The following OR10H5 variants were observed in gnomAD, a reference collection of about 807,000 sequenced individuals.
OR10H5 encodes olfactory receptor family 10 subfamily H member 5, also known as olfactory receptor 10H5.
OR10H5 carries 7 observed loss-of-function variants against 12.2 expected under a neutral mutation model. That is an observed-to-expected ratio of 0.57 (90% CI 0.33 to 1.07). OR10H5 has a LOEUF of 1.07. Among genes scored for constraint, OR10H5 ranks in the 50% least tolerant of loss-of-function variants. The pLI, the probability that OR10H5 is intolerant of heterozygous loss-of-function variation, is 0.04. For synonymous variants in OR10H5, 159 were observed against 175.1 expected (o/e 0.91, Z 0.73); for missense variants, 346 against 411.6 (o/e 0.84, Z 1.38).
rs2088859798 is a variant in OR10H5 at position 15,799,921 on chromosome 19, T to A, written c.*4925T>A. 6.6e-6 allele frequency: 1 copy of A among 151,956 alleles called. No individual in the cohort carries two copies. Among genetic ancestry groups the A allele is most frequent in the Non-Finnish European group, 1.5e-5 (1 of 67,994 alleles). The allele number at this position is 151,956 out of a possible 1,614,324, so 9.4% of individuals were successfully genotyped here. A position where few individuals can be genotyped will look rare whatever the true frequency, so the allele number is the denominator to read the frequency against. On this transcript the variant is annotated 3_prime_UTR_variant, in exon 2 of 2. Transcript: ENST00000642092. Reference sequence around the variant, plus strand: ...GTTTCGCCATGTTGCCCAGGATGGTTTCAAACTCCTGGCCTCAAGTGACCT... The same window carrying A: ...GTTTCGCCATGTTGCCCAGGATGGTATCAAACTCCTGGCCTCAAGTGACCT...
In OR10H5 at chr19:15,795,868, T is replaced by C. The variant is rs1385037959; in HGVS notation, c.*872T>C. On this transcript the variant is annotated 3_prime_UTR_variant, in exon 2 of 2. Coordinates refer to ENST00000642092, the MANE Select transcript of OR10H5 (RefSeq NM_001004466.2). ...CATGGCTAAGTGCAGCGTCAACTTC[T>C]GGGCTCAAGCAATTCTCCCACCTCA... The C allele has an allele frequency of 6.6e-6, 1 of 152,352 alleles. No homozygotes were observed. The highest frequency in any genetic ancestry group is 2.4e-5 in the African/African-American group (1 of 41,436). 9.4% of individuals were successfully genotyped at this position (152,352 alleles called of 1,614,324 possible).
At chr19:15,790,704 G>A (rs542740820) in intron 1 of OR10H5, among the ~76,000 whole-genome samples, 2 of 152,248 alleles carry the variant, frequency 1.3e-5, no homozygotes, top group Admixed American at 6.5e-5. Context: ...AGGCTATGCT[G>A]CAGTTGTTGG....
In OR10H5 at chr19:15,795,253, T is replaced by G; in HGVS notation, c.*257T>G. ...TTCTCTGCCTACTTCCCTCTTTCCC[T>G]TCTCTCTGTCTCTTTCTGTTTCTAT... On this transcript the variant is annotated 3_prime_UTR_variant, in exon 2 of 2. Transcript: ENST00000642092. The G allele has an allele frequency of 6.2e-6, 3 of 483,674 alleles. No homozygotes were observed. The highest frequency in any genetic ancestry group is 2.1e-5 in the African/African-American group (1 of 48,614). The allele number at this position is 483,674 out of a possible 1,614,324, so 30.0% of individuals were successfully genotyped here.
rs76070026 is a variant in OR10H5 at position 15,800,260 on chromosome 19, G to C, written c.*5264G>C. The C allele has an allele frequency of 6.6e-6, 1 of 152,026 alleles. No individual in the cohort carries two copies. Among genetic ancestry groups the C allele is most frequent in the African/African-American group, 2.4e-5 (1 of 41,362 alleles). 9.4% of individuals were successfully genotyped at this position (152,026 alleles called of 1,614,324 possible). ...TCTTTCTAGGGCAGACATTGAGATC[G>C]GGATGTCTTATCTAATTGGTTCAAC... On this transcript the variant is annotated 3_prime_UTR_variant, in exon 2 of 2. Transcript: ENST00000642092.
At position 15,791,084 on chromosome 19, in the gene OR10H5, G is replaced by A. The variant is rs565769190; in HGVS notation, c.-11-2954G>A. ...ATAGAGGCCAGGGATGGTGACTCAC[G>A]CCTGTAATCCCAACAATTCAGGTGG... On this transcript the variant is annotated intron_variant, in intron 1 of 1. Transcript: ENST00000642092. Among the ~76,000 whole-genome samples the A allele has an allele frequency of 1.5e-3, 232 of 152,210 alleles. 2 individuals are homozygous for A. Among genetic ancestry groups the A allele is most frequent in the African/African-American group, 2.4e-3 (98 of 41,548 alleles).
At position 15,795,541 on chromosome 19, in the gene OR10H5, G is replaced by A. The variant is rs1381922669; in HGVS notation, c.*545G>A. 6.4e-6 allele frequency: 1 copy of A among 155,482 alleles called. No homozygotes were observed. The highest frequency in any genetic ancestry group is 1.9e-4 in the East Asian group (1 of 5,204). The allele number at this position is 155,482 out of a possible 1,614,324, so 9.6% of individuals were successfully genotyped here. ...GGGTTTCACCATGTTGGCCAGGCTG[G>A]TCTCGAACTCCTGACCTCAGGCATT... On this transcript the variant is annotated 3_prime_UTR_variant, in exon 2 of 2. Coordinates refer to ENST00000642092, the MANE Select transcript of OR10H5 (RefSeq NM_001004466.2).
intron 1 of OR10H5, among the ~76,000 whole-genome samples, chr19:15,788,086 C>T (rs1201566377): frequency 6.6e-6 from 1 of 151,996 alleles, no homozygotes; most frequent in African/African-American, 2.4e-5. Flanking sequence ...AGTGTGTCAC[C>T]ATGCATGTGG....
Position 15,798,275 on chromosome 19 carries a change from A to C in OR10H5, c.*3279A>C, listed in dbSNP as rs1218956490. 6.6e-6 allele frequency: 1 copy of C among 151,652 alleles called. No homozygotes were observed. Among genetic ancestry groups the C allele is most frequent in the Non-Finnish European group, 1.5e-5 (1 of 67,930 alleles). 9.4% of individuals were successfully genotyped at this position (151,652 alleles called of 1,614,324 possible). On this transcript the variant is annotated 3_prime_UTR_variant, in exon 2 of 2. Transcript: ENST00000642092. ...GAACACAGCAGGTCTGGGGGTGTCAACTCTCCATGCCCCAGGTGTGGAAAC... is the reference window on the plus strand; with the variant it reads ...GAACACAGCAGGTCTGGGGGTGTCACCTCTCCATGCCCCAGGTGTGGAAAC...
At chr19:15,792,408 A>G (rs1027235873) in intron 1 of OR10H5, among the ~76,000 whole-genome samples, 3 of 152,148 alleles carry the variant, frequency 2.0e-5, no homozygotes, top group Admixed American at 1.3e-4. Context: ...AGCACTTGCT[A>G]CAAATTAAGA....
chr19:15,793,723 T>C (rs913388988), intron 1 of OR10H5, among the ~76,000 whole-genome samples: 3 of 151,806 alleles, frequency 2.0e-5, no homozygotes, highest in African/African-American at 7.3e-5. Flanking sequence ...CTACTAAAAA[T>C]ACAAAAATCA....
chr19:15,794,433 C>T lies in OR10H5; in HGVS notation c.385C>T (p.Pro129Ser), dbSNP rs1449234628. The change falls in exon 2 of 2, where the codon CCC becomes TCC. Residue 129 changes from proline (P) to serine (S), a missense_variant. Transcript: ENST00000642092. Reference protein sequence around the residue: ...GYDRYVAICHPLRYNVLMSLR... With the variant: ...GYDRYVAICHSLRYNVLMSLR... ...CGACCGCTACGTGGCCATCTGCCAC[C>T]CCCTGCGTTACAACGTGCTCATGAG... The T allele has an allele frequency of 3.0e-5, 49 of 1,614,268 alleles. No homozygotes were observed. The highest frequency in any genetic ancestry group is 4.0e-5 in the Non-Finnish European group (47 of 1,180,052).
chr19:15,790,571 CGTGGGCTGAGAGAGAGGGCGT>C (rs1440748118), intron 1 of OR10H5, among the ~76,000 whole-genome samples: 1 of 151,872 alleles, frequency 6.6e-6, no homozygotes, highest in African/African-American at 2.4e-5. Context: ...TGGTAAGCAC[CGTGGGCTGAGAGAGAGGGCGT>C]GAGGCCAGAG....
rs948032844 is a variant in OR10H5, at chr19:15,791,753, C to T, written c.-11-2285C>T. Among the ~76,000 whole-genome samples, 32 of 151,078 alleles carry T rather than the reference C, an allele frequency of 2.1e-4. 1 individual carries two copies. The highest frequency in any genetic ancestry group is 4.1e-4 in the African/African-American group (17 of 41,216). On this transcript the variant is annotated intron_variant, in intron 1 of 1. Transcript: ENST00000642092. ...TGTGGCCCAGGCTGGAGTGCAGTGG[C>T]GCCATCTCGGCTCACTGCAAGCTCT...
In OR10H5 at chr19:15,798,576, G is replaced by A. The variant is rs564844452; in HGVS notation, c.*3580G>A. 1 of 152,116 alleles carries A rather than the reference G, an allele frequency of 6.6e-6. No individual in the cohort carries two copies. 9.4% of individuals were successfully genotyped at this position (152,116 alleles called of 1,614,324 possible). The stretch of plus-strand genomic sequence containing the variant: ...TGTAGTCCTAATTGCTAGAGACCAA[G>A]GCCAGCTTGAAAGATGTGATCTGTG... On this transcript the variant is annotated 3_prime_UTR_variant, in exon 2 of 2. Coordinates refer to ENST00000642092, the MANE Select transcript of OR10H5 (RefSeq NM_001004466.2).
chr19:15,791,270 C>T (rs1012328774), intron 1 of OR10H5, among the ~76,000 whole-genome samples: 4 of 152,092 alleles, frequency 2.6e-5, no homozygotes, highest in East Asian at 1.9e-4. Flanking sequence ...CACTTGAACC[C>T]GGGAGGCAGA....
In OR10H5 at chr19:15,797,308, G is replaced by A. The variant is rs1600087045; in HGVS notation, c.*2312G>A. ...CCTGTTTATACCCCACGTGTCCTGG[G>A]GTGTAGCTAGTGCTTTCTAGCTGAT... is the stretch of plus-strand genomic sequence containing the variant. On this transcript the variant is annotated 3_prime_UTR_variant, in exon 2 of 2. Transcript: ENST00000642092. 6.6e-6 allele frequency: 1 copy of A among 152,112 alleles called. No homozygotes were observed. The highest frequency in any genetic ancestry group is 1.9e-4 in the East Asian group (1 of 5,188). 9.4% of individuals were successfully genotyped at this position (152,112 alleles called of 1,614,324 possible). A position where few individuals can be genotyped will look rare whatever the true frequency, so the allele number is the denominator to read the frequency against.
At chr19:15,791,805 GC>G (rs1282437079) in intron 1 of OR10H5, among the ~76,000 whole-genome samples, 3 of 151,428 alleles carry the variant, frequency 2.0e-5, no homozygotes, top group African/African-American at 7.3e-5. Context: ...CCATTCTCCT[GC>G]CTCAGCCTCC....
intron 1 of OR10H5, among the ~76,000 whole-genome samples, chr19:15,789,561 G>A (rs1001976186): frequency 3.3e-5 from 5 of 152,058 alleles, no homozygotes; most frequent in African/African-American, 1.2e-4. Context: ...GCAGAAGCCT[G>A]AGGTTCTGCG....
intron 1 of OR10H5, among the ~76,000 whole-genome samples, chr19:15,788,847 G>A (rs1226171760): frequency 1.3e-5 from 2 of 152,188 alleles, no homozygotes; most frequent in African/African-American, 2.4e-5. Context: ...AGACTCTATT[G>A]CCACCTAAGG....
Sources: allele counts gnomAD v4.1 joint callset (sites outside exome capture counted in the v4.1 genomes callset), GRCh38; gene constraint gnomAD v4.1.1; transcripts MANE v1.5; gene names NCBI Gene and HGNC (gene_info 2026-07-23, HGNC 2026-07-21).